The following CHRM3 variants were observed in gnomAD, a reference collection of about 807,000 sequenced individuals.
CHRM3 encodes muscarinic acetylcholine receptor M3.
CHRM3 carries 11 observed loss-of-function variants against 41.8 expected under a neutral mutation model. The observed-to-expected ratio is 0.26, with a 90% CI of 0.17 to 0.44. CHRM3 has a LOEUF of 0.44. Among genes scored for constraint, CHRM3 ranks in the 20% least tolerant of loss-of-function variants. CHRM3 has a pLI of 1.00. For missense variants in CHRM3, 571 were observed against 745.4 expected (o/e 0.77, Z 2.72); for synonymous variants, 297 against 301.4 (o/e 0.99, Z 0.15).
intron 5 of CHRM3, among the ~76,000 whole-genome samples, chr1:239,684,043 G>A (rs552049571): frequency 1.3e-5 from 2 of 152,180 alleles, no homozygotes; most frequent in African/African-American, 2.4e-5. Context: ...CAGGGAATAA[G>A]TAATTCATGT....
intron 5 of CHRM3, among the ~76,000 whole-genome samples, chr1:239,695,837 T>C (rs572297909): frequency 2.0e-5 from 3 of 152,318 alleles, no homozygotes; most frequent in African/African-American, 7.2e-5. Context: ...TACACAGTTA[T>C]TTAACTTTAC....
intron 3 of CHRM3, among the ~76,000 whole-genome samples, chr1:239,623,491 T>TA (rs1272329211): frequency 3.8e-5 from 5 of 130,338 alleles, no homozygotes; most frequent in African/African-American, 1.2e-4. Context: ...AAGTTTTTTT[T>TA]TTTTTAATTT....
Position 239,874,164 on chromosome 1 carries a change from G to A in CHRM3, c.-19-33269G>A, listed in dbSNP as rs1676830339. On this transcript the variant is annotated intron_variant, in intron 6 of 6. Transcript: ENST00000676153. ...TTTGAACTCAGTCCATTTGAACTCA[G>A]TTTGAACTTTACTATGTATGGGCTT... 3.3e-5 allele frequency among the ~76,000 whole-genome samples: 5 copies of A among 150,302 alleles called. No homozygotes were observed. The South Asian group carries it at 1.1e-3, about 32-fold the overall frequency.
chr1:239,909,176 G>C lies in CHRM3; in HGVS notation c.1725G>C (p.Gln575His). ...AGAGGCGCAAGCAGCAGTACCAGCA[G>C]AGACAGTCGGTCATTTTTCACAAGC... ...KKKRRKQQYQQRQSVIFHKRA... is the reference protein window; with the variant it reads ...KKKRRKQQYQHRQSVIFHKRA... The change falls in exon 7 of 7, where the codon CAG (glutamine) becomes CAC (histidine). Residue 575 changes from glutamine to histidine, a missense_variant. By Grantham distance (24) the Gln-to-His change is conservative (BLOSUM62 0). Around this residue, in one of 5 missense-constraint regions of CHRM3, gnomAD observed 44 missense variants for 39.7 expected, o/e 1.11. Coordinates refer to ENST00000676153, the MANE Select transcript of CHRM3 (RefSeq NM_001375978.1). 3 of 1,613,644 alleles carry C rather than the reference G, an allele frequency of 1.9e-6. No individual in the cohort carries two copies. Among genetic ancestry groups the C allele is most frequent in the Non-Finnish European group, 2.5e-6 (3 of 1,179,898 alleles).
intron 3 of CHRM3, among the ~76,000 whole-genome samples, chr1:239,611,640 T>C (rs1051880733): frequency 1.1e-4 from 17 of 151,942 alleles, no homozygotes; most frequent in Non-Finnish European, 1.9e-4. Context: ...AGGATGGTCT[T>C]GATCTCCTGA....
At chr1:239,556,379 TG>T (rs1248718353) in intron 3 of CHRM3, among the ~76,000 whole-genome samples, 1 of 152,206 alleles carries the variant, frequency 6.6e-6, no homozygotes. Context: ...TGTAGTCAAA[TG>T]ATATCGTCTC....
In CHRM3 at chr1:239,462,168, G is replaced by A. The variant is rs1335407984; in HGVS notation, c.-520-30541G>A. 2.0e-5 allele frequency among the ~76,000 whole-genome samples: 3 copies of A among 152,124 alleles called. No individual in the cohort carries two copies. The East Asian group carries it at 5.8e-4, about 29-fold the overall frequency. On this transcript the variant is annotated intron_variant, in intron 1 of 6. Transcript: ENST00000676153. ...TCTAAGTGCTGAGTTTGCTTAAAGT[G>A]AGAATTTCGGTGATTTGGAGATATT...
intron 1 of CHRM3, among the ~76,000 whole-genome samples, chr1:239,484,447 T>C (rs996836669): frequency 3.3e-5 from 5 of 152,052 alleles, no homozygotes; most frequent in Admixed American, 1.3e-4. Flanking sequence ...CCTCCAACAT[T>C]GGAAATTACA....
At chr1:239,480,543 A>AT (rs745979239) in intron 1 of CHRM3, among the ~76,000 whole-genome samples, 2,528 of 110,690 alleles carry the variant, frequency 0.023, 103 homozygotes, top group Non-Finnish European at 0.027. Context: ...CGATAGCCCA[A>AT]TTTTTTTTTT....
intron 6 of CHRM3, among the ~76,000 whole-genome samples, chr1:239,881,618 T>G (rs1049541161): frequency 2.0e-5 from 3 of 152,198 alleles, no homozygotes; most frequent in Non-Finnish European, 4.4e-5. Flanking sequence ...ACCAGGGTTC[T>G]TTCCCAAGCC....
intron 6 of CHRM3, among the ~76,000 whole-genome samples, chr1:239,874,325 A>ATC (rs1676929958): frequency 8.1e-6 from 1 of 123,410 alleles, no homozygotes; most frequent in East Asian, 2.4e-4. Context: ...ATATATATAT[A>ATC]TACACAGTTG....
At chr1:239,806,239 G>C (rs563924716) in intron 5 of CHRM3, among the ~76,000 whole-genome samples, 3 of 152,162 alleles carry the variant, frequency 2.0e-5, no homozygotes, top group Non-Finnish European at 4.4e-5. Context: ...TCTCCCGACT[G>C]TCTGCTTAAA....
chr1:239,395,968 T>C (rs1409272180), intron 1 of CHRM3, among the ~76,000 whole-genome samples: 1 of 152,190 alleles, frequency 6.6e-6, no homozygotes, highest in African/African-American at 2.4e-5. Flanking sequence ...GGTTTGCATG[T>C]TGAGTTCAGT....
intron 3 of CHRM3, among the ~76,000 whole-genome samples, chr1:239,602,088 A>G (rs1433858334): frequency 6.3e-5 from 1 of 15,898 alleles, no homozygotes; most frequent in African/African-American, 1.0e-4. Flanking sequence ...ATACATATAT[A>G]CATGTGTGTG....
chr1:239,421,470 A>G (rs1214881809), intron 1 of CHRM3, among the ~76,000 whole-genome samples: 3 of 152,122 alleles, frequency 2.0e-5, no homozygotes, highest in Non-Finnish European at 4.4e-5. Flanking sequence ...GTTTTTTGTT[A>G]ATAAATATTT....
chr1:239,620,659 TA>T (rs1668255601), intron 3 of CHRM3, among the ~76,000 whole-genome samples: 1 of 152,020 alleles, frequency 6.6e-6, no homozygotes, highest in South Asian at 2.1e-4. Context: ...AATATAGAAC[TA>T]AAAATGGATG....
chr1:239,438,400 G>C (rs895660385), intron 1 of CHRM3, among the ~76,000 whole-genome samples: 1 of 152,130 alleles, frequency 6.6e-6, no homozygotes, highest in Non-Finnish European at 1.5e-5. Flanking sequence ...AACTAATAAA[G>C]AGCAAGATTC....
intron 1 of CHRM3, among the ~76,000 whole-genome samples, chr1:239,472,741 G>C (rs1304356053): frequency 3.3e-5 from 5 of 152,004 alleles, no homozygotes; most frequent in African/African-American, 1.2e-4. Context: ...GGATGGAGGA[G>C]GGGGAGAGCA....
intron 5 of CHRM3, among the ~76,000 whole-genome samples, chr1:239,783,455 A>C (rs1394981282): frequency 6.6e-6 from 1 of 152,196 alleles, no homozygotes; most frequent in African/African-American, 2.4e-5. Context: ...TAAATTTCAC[A>C]GAAATAAATG....
Sources: allele counts gnomAD v4.1 joint callset (sites outside exome capture counted in the v4.1 genomes callset), GRCh38; gene constraint gnomAD v4.1.1; regional missense constraint gnomAD v4.1.1; transcripts MANE v1.5; gene names NCBI Gene and HGNC (gene_info 2026-07-23, HGNC 2026-07-21).